The following NSMCE2 variants were observed in gnomAD, a reference collection of about 807,000 sequenced individuals.
NSMCE2 encodes the protein E3 SUMO-protein ligase NSE2.
In NSMCE2, 24 loss-of-function variants were observed where a neutral mutation model predicts 23.8. The ratio of observed to expected loss-of-function variants is 1.01; its 90% CI spans 0.73 to 1.42. NSMCE2 has a LOEUF of 1.42. Ranked by LOEUF, NSMCE2 falls within the 40% of genes most tolerant of loss-of-function variation. NSMCE2 has a pLI of 0.00. For synonymous variants in NSMCE2, 92 were observed against 94.1 expected (o/e 0.98, Z 0.13); for missense variants, 284 against 296.5 (o/e 0.96, Z 0.31).
At chr8:125,114,999 A>G (rs555747469) in intron 3 of NSMCE2, among the ~76,000 whole-genome samples, 7 of 152,268 alleles carry the variant, frequency 4.6e-5, no homozygotes, top group East Asian at 1.9e-4. Context: ...TTTATGTGTC[A>G]TATTTCCCTC....
rs1423393439 is a variant in NSMCE2, at chr8:125,209,261, A to G, written c.418+27005A>G. 3.3e-5 allele frequency among the ~76,000 whole-genome samples: 5 copies of G among 152,256 alleles called. No homozygotes were observed. In the East Asian group the frequency reaches 9.6e-4, roughly 29 times the overall value. On this transcript the variant is annotated intron_variant, in intron 5 of 7. Coordinates refer to ENST00000287437, the MANE Select transcript of NSMCE2 (RefSeq NM_173685.4). The stretch of plus-strand genomic sequence containing the variant: ...AAAAAAATAGAAACAAATAATGTGT[A>G]TCTCTGCTGACGAAGAAGTACAACA...
intron 4 of NSMCE2, among the ~76,000 whole-genome samples, chr8:125,171,997 G>GCTA (rs1332255315): frequency 1.3e-5 from 2 of 152,022 alleles, no homozygotes; most frequent in African/African-American, 4.8e-5. Flanking sequence ...GACCATGTTG[G>GCTA]CTACTGTATT....
At chr8:125,149,270 A>G (rs986528570) in intron 3 of NSMCE2, among the ~76,000 whole-genome samples, 1 of 152,222 alleles carries the variant, frequency 6.6e-6, no homozygotes, top group African/African-American at 2.4e-5. Flanking sequence ...TACCAGAAGC[A>G]TGTTAACCCA....
intron 5 of NSMCE2, among the ~76,000 whole-genome samples, chr8:125,235,194 T>C (rs552843531): frequency 7.3e-5 from 11 of 151,568 alleles, no homozygotes; most frequent in Non-Finnish European, 1.5e-4. Flanking sequence ...TGAGCCAAGG[T>C]CGTGCCACTG....
chr8:125,157,098 A>G (rs116516623), intron 4 of NSMCE2, among the ~76,000 whole-genome samples: 187 of 152,304 alleles, frequency 1.2e-3, no homozygotes, highest in African/African-American at 4.3e-3. Context: ...ACCCCACTCT[A>G]TTAGGCATTG....
chr8:125,327,474 C>T (rs533710475), intron 5 of NSMCE2, among the ~76,000 whole-genome samples: 76 of 151,782 alleles, frequency 5.0e-4, no homozygotes, highest in Non-Finnish European at 9.3e-4. Context: ...GGGTTTGTCC[C>T]AAATAACTAA....
Position 125,149,841 on chromosome 8 carries a change from G to A in NSMCE2, c.158-1330G>A, listed in dbSNP as rs1488964040. 3.3e-5 allele frequency among the ~76,000 whole-genome samples: 5 copies of A among 152,174 alleles called. No homozygotes were observed. The East Asian group carries it at 7.7e-4, about 23-fold the overall frequency. ...TTTCTTGTGTATTATAGGTATGTAAGGTTTTTTTGTTTGTTTTTATATTTA... is the reference window on the plus strand; with the variant it reads ...TTTCTTGTGTATTATAGGTATGTAAAGTTTTTTTGTTTGTTTTTATATTTA... On this transcript the variant is annotated intron_variant, in intron 3 of 7. Transcript: ENST00000287437.
rs1411545512 is a variant in NSMCE2 at position 125,102,495 on chromosome 8, A to T, written c.157+8A>T. ...ATCTTGTGGAAAGTCAGAGTAAGTA[A>T]AATTAAAACCTCTTTTGTGTCTACT... On this transcript the variant is annotated splice_region_variant and intron_variant, in intron 3 of 7. Transcript: ENST00000287437. The T allele has an allele frequency of 6.2e-7, 1 of 1,611,122 alleles. No homozygotes were observed. The highest frequency in any genetic ancestry group is 1.7e-5 in the Admixed American group (1 of 59,966).
rs778398135 is a variant in NSMCE2 at position 125,107,009 on chromosome 8, CA to C, written c.157+4531del. Among the ~76,000 whole-genome samples the C allele has an allele frequency of 5.3e-5, 8 of 150,228 alleles. No individual in the cohort carries two copies. In the East Asian group the frequency reaches 7.8e-4, roughly 15 times the overall value. The stretch of plus-strand genomic sequence containing the variant: ...AAATTCTGTCTCAAAAAAAAAACAA[CA>C]AAAAAAAACTTTCATTTTACCATTA... On this transcript the variant is annotated intron_variant, in intron 3 of 7. Coordinates refer to ENST00000287437, the MANE Select transcript of NSMCE2 (RefSeq NM_173685.4).
At chr8:125,292,908 A>G (rs1828167224) in intron 5 of NSMCE2, among the ~76,000 whole-genome samples, 1 of 152,204 alleles carries the variant, frequency 6.6e-6, no homozygotes, top group African/African-American at 2.4e-5. Flanking sequence ...CGAGTTTCAA[A>G]TGTTGGCAGG....
chr8:125,124,411 C>T (rs1458665838), intron 3 of NSMCE2, among the ~76,000 whole-genome samples: 1 of 152,004 alleles, frequency 6.6e-6, no homozygotes, highest in African/African-American at 2.4e-5. Context: ...CATTCTGAAA[C>T]TGCTGAACTC....
intron 4 of NSMCE2, among the ~76,000 whole-genome samples, chr8:125,158,989 T>C (rs1563687145): frequency 6.6e-6 from 1 of 152,202 alleles, no homozygotes; most frequent in Non-Finnish European, 1.5e-5. Context: ...TGGTCCAAAA[T>C]TATTAAACAG....
intron 3 of NSMCE2, among the ~76,000 whole-genome samples, chr8:125,121,007 C>T (rs1157307301): frequency 6.6e-6 from 1 of 152,198 alleles, no homozygotes; most frequent in African/African-American, 2.4e-5. Context: ...TGATTTTCAT[C>T]ACTATTTCAT....
chr8:125,127,576 T>C (rs971505978), intron 3 of NSMCE2, among the ~76,000 whole-genome samples: 1 of 152,174 alleles, frequency 6.6e-6, no homozygotes, highest in East Asian at 1.9e-4. Flanking sequence ...TTTTTGTTAG[T>C]TGTCTCCCTC....
rs537060349 is a variant in NSMCE2, at chr8:125,347,664, A to G, written c.419-9555A>G. Among the ~76,000 whole-genome samples the G allele has an allele frequency of 1.1e-4, 16 of 152,372 alleles. No homozygotes were observed. The South Asian group carries it at 3.1e-3, about 30-fold the overall frequency. On this transcript the variant is annotated intron_variant, in intron 5 of 7. Coordinates refer to ENST00000287437, the MANE Select transcript of NSMCE2 (RefSeq NM_173685.4). The stretch of plus-strand genomic sequence containing the variant: ...GAAAAGAAAGTTCCATTCACATGAA[A>G]CAACAGAATAAGAAAGAAGTTTGAG...
intron 3 of NSMCE2, among the ~76,000 whole-genome samples, chr8:125,109,558 C>G (rs1818627603): frequency 6.6e-6 from 1 of 152,132 alleles, no homozygotes; most frequent in African/African-American, 2.4e-5. Flanking sequence ...CTTTGATAAA[C>G]CAAATGATAA....
At chr8:125,170,376 CTTTTTTTTTTTTTTTTTTTTTTTTT>C (rs565593006) in intron 4 of NSMCE2, among the ~76,000 whole-genome samples, 16 of 37,838 alleles carry the variant, frequency 4.2e-4, no homozygotes, top group Non-Finnish European at 5.8e-4. Context: ...CTCTTTATTT[CTTTTTTTTTTTTTTTTTTTTTTTTT>C]TTTTTTTTTT....
chr8:125,166,907 T>TA (rs1821912109), intron 4 of NSMCE2, among the ~76,000 whole-genome samples: 2 of 152,332 alleles, frequency 1.3e-5, no homozygotes, highest in South Asian at 4.1e-4. Flanking sequence ...CATGCACCTG[T>TA]AGTCCTAGCT....
Position 125,102,095 on chromosome 8 carries a change from G to C in NSMCE2, c.-66G>C. On this transcript the variant is annotated 5_prime_UTR_variant, in exon 2 of 8. Coordinates refer to ENST00000287437, the MANE Select transcript of NSMCE2 (RefSeq NM_173685.4). The stretch of plus-strand genomic sequence containing the variant: ...AGAGGGTAATCTCTCTCCAAAAACT[G>C]AGGACACTTACCTTCCCCATATATT... 4.7e-6 allele frequency: 2 copies of C among 427,948 alleles called. No homozygotes were observed. The allele number at this position is 427,948 out of a possible 1,614,324, so 26.5% of individuals were successfully genotyped here. A position where few individuals can be genotyped will look rare whatever the true frequency, so the allele number is the denominator to read the frequency against.
Sources: gnomAD v4.1 joint callset for allele counts (sites outside exome capture counted in the v4.1 genomes callset) on GRCh38, gnomAD v4.1.1 for gene constraint, MANE v1.5 for transcripts, NCBI Gene and HGNC (gene_info 2026-07-23, HGNC 2026-07-21) for gene names.